The following NTM variants were observed in gnomAD, a reference collection of about 807,000 sequenced individuals.
NTM encodes the protein IgLON family member 2.
Under a neutral mutation model 42.1 loss-of-function variants are expected in NTM, and 13 were observed. That is an observed-to-expected ratio of 0.31 (90% confidence interval 0.20 to 0.49). The LOEUF (loss-of-function observed/expected upper bound fraction) is 0.49. Ranked by LOEUF, NTM falls within the 20% of genes least tolerant of loss-of-function variation. The probability of loss-of-function intolerance (pLI) is 0.99; values close to 1 mark genes in which losing one functional copy is unlikely to be tolerated. For missense variants in NTM, 373 were observed against 452.8 expected (o/e 0.82, Z 1.60); for synonymous variants, 187 against 179.2 (o/e 1.04, Z -0.35).
At chr11:131,474,359 C>T (rs1952721066) in intron 1 of NTM, among the ~76,000 whole-genome samples, 1 of 152,072 alleles carries the variant, frequency 6.6e-6, no homozygotes. Flanking sequence ...CTGTAGCTCA[C>T]CTCTTGCTCT....
At chr11:131,993,869 G>A (rs1015341673) in intron 2 of NTM, among the ~76,000 whole-genome samples, 9 of 151,900 alleles carry the variant, frequency 5.9e-5, no homozygotes, top group African/African-American at 2.2e-4. Context: ...TGGGTGCGGT[G>A]GTGTGTGCCT....
At chr11:132,234,668 T>G (rs1450802238) in intron 4 of NTM, among the ~76,000 whole-genome samples, 1 of 152,248 alleles carries the variant, frequency 6.6e-6, no homozygotes, top group African/African-American at 2.4e-5. Flanking sequence ...TAATAATGAT[T>G]TCAACAAGAA....
chr11:132,253,346 A>C (rs2092164868), intron 4 of NTM, among the ~76,000 whole-genome samples: 1 of 152,204 alleles, frequency 6.6e-6, no homozygotes, highest in South Asian at 2.1e-4. Context: ...TTATTAAATA[A>C]TGTGCCCAAG....
intron 4 of NTM, among the ~76,000 whole-genome samples, chr11:132,224,090 G>A (rs1429766545): frequency 2.6e-5 from 4 of 152,222 alleles, no homozygotes; most frequent in Non-Finnish European, 5.9e-5. Context: ...ACCAGCAGGA[G>A]CAGGGCTATT....
At chr11:132,178,133 G>A (rs543604911) in intron 3 of NTM, among the ~76,000 whole-genome samples, 78 of 152,270 alleles carry the variant, frequency 5.1e-4, no homozygotes, top group East Asian at 3.1e-3. Flanking sequence ...CTTAGATAAC[G>A]TGAAGTCCAA....
chr11:132,140,642 T>C (rs2068903189), intron 2 of NTM, among the ~76,000 whole-genome samples: 1 of 152,250 alleles, frequency 6.6e-6, no homozygotes, highest in Non-Finnish European at 1.5e-5. Flanking sequence ...AGTAAGGTGC[T>C]AGCTGATATC....
chr11:131,735,592 C>T (rs949482081), intron 1 of NTM, among the ~76,000 whole-genome samples: 4 of 152,192 alleles, frequency 2.6e-5, no homozygotes, highest in African/African-American at 9.7e-5. Context: ...TATGCCCCGA[C>T]AAAGTGTTTT....
At chr11:131,398,808 AAC>A in intron 1 of NTM, among the ~76,000 whole-genome samples, 1 of 152,356 alleles carries the variant, frequency 6.6e-6, no homozygotes, top group South Asian at 2.1e-4. Context: ...TTAGTAAAAC[AAC>A]ACAGACCCCA....
chr11:132,251,996 G>A (rs1307430899), intron 4 of NTM, among the ~76,000 whole-genome samples: 4 of 152,304 alleles, frequency 2.6e-5, no homozygotes, highest in African/African-American at 9.6e-5. Context: ...CCCAGACAGA[G>A]AGTGATGACT....
At chr11:131,577,948 A>T (rs2058075380) in intron 1 of NTM, among the ~76,000 whole-genome samples, 1 of 152,254 alleles carries the variant, frequency 6.6e-6, no homozygotes, top group African/African-American at 2.4e-5. Context: ...AGAAGTTTAC[A>T]CTGAATACCA....
chr11:131,930,522 C>G (rs1375525886), intron 2 of NTM, among the ~76,000 whole-genome samples: 1 of 152,172 alleles, frequency 6.6e-6, no homozygotes, highest in Non-Finnish European at 1.5e-5. Flanking sequence ...TATATACCAG[C>G]ATGTGCATAA....
chr11:131,512,484 C>G (rs531048661), intron 1 of NTM, among the ~76,000 whole-genome samples: 1 of 152,246 alleles, frequency 6.6e-6, no homozygotes, highest in East Asian at 1.9e-4. Context: ...GAGGCCGACT[C>G]CCACAGCTGG....
At position 132,188,101 on chromosome 11, in the gene NTM, C is replaced by T. The variant is rs117779321; in HGVS notation, c.401-23921C>T. On this transcript the variant is annotated intron_variant, in intron 3 of 8. Coordinates refer to ENST00000683400, the MANE Select transcript of NTM (RefSeq NM_001352005.2). ...CTAGTTTGTCACAACTCTGTGCGTG[C>T]GTGTGTGTGTGTGTTTGTGTGTCAG... Among the ~76,000 whole-genome samples, 364 of 151,670 alleles carry T rather than the reference C, an allele frequency of 2.4e-3. 7 individuals are homozygous for T. The East Asian group carries it at 0.055, about 23-fold the overall frequency.
chr11:131,549,862 C>A (rs1402209994), intron 1 of NTM, among the ~76,000 whole-genome samples: 1 of 152,204 alleles, frequency 6.6e-6, no homozygotes, highest in Non-Finnish European at 1.5e-5. Context: ...ACACTTAGTT[C>A]CATCTTTCAA....
chr11:131,565,007 GGACAGGACGACA>G (rs1220462588), intron 1 of NTM, among the ~76,000 whole-genome samples: 13 of 152,228 alleles, frequency 8.5e-5, no homozygotes, highest in African/African-American at 2.9e-4. Context: ...ATGCGGTATG[GGACAGGACGACA>G]TACTCCTTCT....
intron 1 of NTM, among the ~76,000 whole-genome samples, chr11:131,687,514 C>A (rs1006800477): frequency 6.6e-6 from 1 of 152,210 alleles, no homozygotes; most frequent in Admixed American, 6.5e-5. Context: ...CCTTCATGGG[C>A]GTCAGCGTGG....
At chr11:132,095,269 G>T (rs933420547) in intron 2 of NTM, among the ~76,000 whole-genome samples, 7 of 152,120 alleles carry the variant, frequency 4.6e-5, no homozygotes, top group Admixed American at 2.6e-4. Flanking sequence ...TTGGGAGTGG[G>T]AAGAAAATCC....
chr11:131,470,784 GGA>G lies in NTM; in HGVS notation c.82+99900_82+99901del, dbSNP rs780708533. On this transcript the variant is annotated intron_variant, in intron 1 of 8. Transcript: ENST00000683400. ...GACTATCAAAGGTCCTGAGGGGAAGGGAGAGGTGAGAGACTCCTGAACTTAAA... is the reference window on the plus strand; with the variant it reads ...GACTATCAAAGGTCCTGAGGGGAAGGGAGGTGAGAGACTCCTGAACTTAAA... Among the ~76,000 whole-genome samples, 12 of 152,294 alleles carry G rather than the reference GGA, an allele frequency of 7.9e-5. No homozygotes were observed. In the South Asian group the frequency reaches 1.0e-3, roughly 13 times the overall value.
At chr11:131,520,857 G>A (rs940713226) in intron 1 of NTM, among the ~76,000 whole-genome samples, 6 of 152,010 alleles carry the variant, frequency 3.9e-5, no homozygotes, top group African/African-American at 4.8e-5. Flanking sequence ...CTGAGGTTGA[G>A]TAATTTATAA....
Sources: gnomAD v4.1 joint callset for allele counts (sites outside exome capture counted in the v4.1 genomes callset) on GRCh38, gnomAD v4.1.1 for gene constraint, MANE v1.5 for transcripts, NCBI Gene and HGNC (gene_info 2026-07-23, HGNC 2026-07-21) for gene names.